Variants in HGSNAT observed in about 807,000 individuals in gnomAD.
The protein encoded by HGSNAT is transmembrane protein 76.
Under a neutral mutation model 85.2 loss-of-function variants are expected in HGSNAT, and 59 were observed. The observed-to-expected ratio is 0.69, with a 90% CI of 0.56 to 0.86. The LOEUF (loss-of-function observed/expected upper bound fraction) is 0.86, where lower values mean the gene tolerates loss of function less well. Among genes scored for constraint, HGSNAT ranks in the 40% least tolerant of loss-of-function variants. The pLI is 0.00. For synonymous variants in HGSNAT, 321 were observed against 304.5 expected, an observed-to-expected ratio of 1.05 and a Z score of -0.56; for missense variants, 756 against 777.1, an observed-to-expected ratio of 0.97 and a Z score of 0.32.
intron 14 of HGSNAT, 93 bp from the exon 15 acceptor site, chr8:43,196,855 A>G: frequency 1.3e-6 from 1 of 799,020 alleles, no homozygotes; most frequent in Non-Finnish European, 2.1e-6. Context: ...CAGCAAGTGA[A>G]TCTCTTTGTC....
chr8:43,157,406 G>A (rs1803125618), intron 2 of HGSNAT, among the ~76,000 whole-genome samples: 1 of 152,052 alleles, frequency 6.6e-6, no homozygotes, highest in Non-Finnish European at 1.5e-5. Flanking sequence ...TTTGTAACGG[G>A]AGCTATTAAA....
In HGSNAT at chr8:43,183,970, C is replaced by T. The variant is rs547858990; in HGVS notation, c.1128+1710C>T. Among the ~76,000 whole-genome samples the T allele has an allele frequency of 1.1e-4, 16 of 152,140 alleles. No individual in the cohort carries two copies. In the South Asian group the frequency reaches 3.1e-3, roughly 30 times the overall value. ...TCCCTACAAAGGACATGAATTCATC[C>T]TTTTTTATGGCTGCATAGTATTCCA... On this transcript the variant is annotated intron_variant, in intron 11 of 17. Coordinates refer to ENST00000379644, the MANE Select transcript of HGSNAT (RefSeq NM_152419.3).
chr8:43,140,712 G>A (rs1428669023), intron 1 of HGSNAT, 98 bp downstream of exon 1: 6 of 521,780 alleles, frequency 1.1e-5, no homozygotes, highest in Non-Finnish European at 1.3e-5. Flanking sequence ...CCGAGCGCTA[G>A]GCCGGGCCGG....
chr8:43,197,510 A>G (rs1804764257), intron 15 of HGSNAT, 162 bp from the exon 16 acceptor site: 2 of 616,498 alleles, frequency 3.2e-6, no homozygotes, highest in Non-Finnish European at 5.7e-6. Context: ...TTTTCAGTTC[A>G]TACATTTAAA....
chr8:43,158,626 C>G lies in HGSNAT; in HGVS notation c.286C>G (p.Pro96Ala). The G allele has an allele frequency of 6.2e-7, 1 of 1,613,942 alleles. No individual in the cohort carries two copies. Among genetic ancestry groups the G allele is most frequent in the South Asian group, 1.1e-5 (1 of 91,078 alleles). ...NVPQSPKAGK[P>A]SAAAASVSTQ... ...TCCTCAGAGTCCAAAAGCAGGGAAG[C>G]CTAGTGCTGCAGCTGCCTCTGTCAG... The change falls in exon 3 of 18, where the codon CCT becomes GCT. Residue 96 changes from proline to alanine, a missense_variant. Pro to Ala is a conservative substitution (Grantham distance 27). Coordinates refer to ENST00000379644, the MANE Select transcript of HGSNAT (RefSeq NM_152419.3).
chr8:43,155,655 T>C (rs1318305666), intron 2 of HGSNAT, among the ~76,000 whole-genome samples: 2 of 152,166 alleles, frequency 1.3e-5, no homozygotes, highest in Non-Finnish European at 2.9e-5. Context: ...TGTCATGCAA[T>C]GTTTCCCCCA....
intron 6 of HGSNAT, 86 bp downstream of exon 6, chr8:43,169,328 T>C: frequency 1.1e-6 from 1 of 893,598 alleles, no homozygotes; most frequent in African/African-American, 1.7e-5. Flanking sequence ...TATTGTCCAG[T>C]TTTATGTTTA....
intron 1 of HGSNAT, 42 bp downstream of exon 1, chr8:43,140,656 G>A (rs1207624718): frequency 1.9e-6 from 2 of 1,038,178 alleles, no homozygotes; most frequent in Non-Finnish European, 2.5e-6. Context: ...GGCTACGAGC[G>A]CAGCGTCTCC....
intron 17 of HGSNAT, among the ~76,000 whole-genome samples, chr8:43,198,988 G>A (rs1052229358): frequency 3.3e-5 from 5 of 152,152 alleles, no homozygotes; most frequent in Admixed American, 1.3e-4. Context: ...TGCAACCTCC[G>A]CCTCCCAGGT....
rs1480544010 is a variant in HGSNAT at position 43,199,663 on chromosome 8, TTGAC to T, written c.*97_*100del. ...TTAAAGGGAAGCATTCATTAGGAAA[TTGAC>T]TGGCTGCGTGTTTACAGACTCTGGG... On this transcript the variant is annotated 3_prime_UTR_variant, in exon 18 of 18. Transcript: ENST00000379644. The T allele has an allele frequency of 7.2e-6, 7 of 976,024 alleles. No individual in the cohort carries two copies. Among genetic ancestry groups the T allele is most frequent in the African/African-American group, 4.9e-5 (3 of 60,612 alleles). 60.5% of individuals were successfully genotyped at this position (976,024 alleles called of 1,614,324 possible). A position where few individuals can be genotyped will look rare whatever the true frequency, so the allele number is the denominator to read the frequency against.
intron 11 of HGSNAT, among the ~76,000 whole-genome samples, chr8:43,186,033 G>T (rs573621152): frequency 6.6e-5 from 10 of 152,094 alleles, no homozygotes; most frequent in South Asian, 4.1e-4. Context: ...TGCTGGATTC[G>T]GTTTCCCAGT....
At chr8:43,182,081 ATGT>A (rs1804144896) in intron 10 of HGSNAT, 61 bp from the exon 11 acceptor site, 5 of 1,224,228 alleles carry the variant, frequency 4.1e-6, no homozygotes, top group Non-Finnish European at 6.1e-6. Flanking sequence ...GAAACAAATA[ATGT>A]TGTCCTGGGA....
intron 5 of HGSNAT, chr8:43,167,946 T>A: frequency 4.0e-6 from 1 of 250,500 alleles, no homozygotes; most frequent in Non-Finnish European, 8.0e-6. Flanking sequence ...TGAGACAGAG[T>A]CTTGCTATGT....
At chr8:43,170,039 T>C (rs1401174323) in intron 6 of HGSNAT, among the ~76,000 whole-genome samples, 1 of 152,038 alleles carries the variant, frequency 6.6e-6, no homozygotes, top group Admixed American at 6.6e-5. Context: ...CAGGCTGGTC[T>C]CAAACTCTTG....
rs1198230012 is a variant in HGSNAT at position 43,199,721 on chromosome 8, AACTGTG to A, written c.*155_*160del. The A allele has an allele frequency of 4.2e-6, 2 of 474,264 alleles. No individual in the cohort carries two copies. The highest frequency in any genetic ancestry group is 7.1e-6 in the Non-Finnish European group (2 of 283,484). The allele number at this position is 474,264 out of a possible 1,614,324, so 29.4% of individuals were successfully genotyped here. The stretch of plus-strand genomic sequence containing the variant: ...AGACACTGATGTCCTCAAACTGGTT[AACTGTG>A]ACACGGCTCGCCAGAACTCTGCCTG... On this transcript the variant is annotated 3_prime_UTR_variant, in exon 18 of 18. Transcript: ENST00000379644.
At chr8:43,171,078 G>A (rs979901263) in intron 7 of HGSNAT, among the ~76,000 whole-genome samples, 1 of 152,236 alleles carries the variant, frequency 6.6e-6, no homozygotes, top group Non-Finnish European at 1.5e-5. Context: ...TGTGGCAGAG[G>A]GAGGGCTGAT....
Position 43,199,476 on chromosome 8 carries a change from C to T in HGSNAT, c.1815C>T (p.His605=), listed in dbSNP as rs1249488528. The change falls in exon 18 of 18, where the codon CAC becomes CAT. Residue 605 remains histidine, a synonymous_variant. Transcript: ENST00000379644. ...FQWKLKDNQS[H]KEHLTQNIVA... is the part of the protein sequence containing the mutation. The stretch of plus-strand genomic sequence containing the variant: ...GGAAGCTGAAGGACAACCAGTCCCA[C>T]AAGGAGCACCTGACTCAGAACATCG... 2 of 1,612,878 alleles carry T rather than the reference C, an allele frequency of 1.2e-6. No homozygotes were observed. The highest frequency in any genetic ancestry group is 3.3e-5 in the Admixed American group (2 of 59,906).
At chr8:43,178,315 C>A in intron 10 of HGSNAT, 81 bp downstream of exon 10, 1 of 1,061,758 alleles carries the variant, frequency 9.4e-7, no homozygotes, top group Non-Finnish European at 1.3e-6. Context: ...AAATGCAATT[C>A]CTCCATCTCA....
intron 1 of HGSNAT, among the ~76,000 whole-genome samples, chr8:43,141,785 CT>C (rs967243986): frequency 2.0e-5 from 3 of 152,128 alleles, no homozygotes; most frequent in Non-Finnish European, 2.9e-5. Flanking sequence ...CGCTCCCCTC[CT>C]TTAAAATTGC....
Sources: gnomAD v4.1 joint callset for allele counts (sites outside exome capture counted in the v4.1 genomes callset) on GRCh38, gnomAD v4.1.1 for gene constraint, MANE v1.5 for transcripts, NCBI Gene and HGNC (gene_info 2026-07-23, HGNC 2026-07-21) for gene names.